The following LINGO2 variants were observed in gnomAD, a reference collection of about 807,000 sequenced individuals.
LINGO2 encodes leucine-rich repeat and immunoglobulin-like domain-containing nogo receptor-interacting protein 2.
A neutral mutation model predicts 30.6 loss-of-function variants in LINGO2; 14 were observed. The observed-to-expected ratio is 0.46, with a 90% CI of 0.30 to 0.72. LINGO2 has a LOEUF of 0.72. Ranked by LOEUF, LINGO2 falls within the 30% of genes least tolerant of loss-of-function variation. The probability of loss-of-function intolerance (pLI) is 0.07; values close to 1 mark genes in which losing one functional copy is unlikely to be tolerated. For synonymous variants in LINGO2, 317 were observed against 288.5 expected, an observed-to-expected ratio of 1.10 and a Z score of -1.00; for missense variants, 729 against 751.7, an observed-to-expected ratio of 0.97 and a Z score of 0.35.
chr9:29,141,397 G>T, the LINGO2 span, among the ~76,000 whole-genome samples: 1 of 150,924 alleles, frequency 6.6e-6, no homozygotes, highest in African/African-American at 2.4e-5. Flanking sequence ...AAACTACAAA[G>T]AAAATACTAC....
chr9:29,069,249 T>C, the LINGO2 span, among the ~76,000 whole-genome samples: 1 of 151,988 alleles, frequency 6.6e-6, no homozygotes, highest in East Asian at 1.9e-4. Flanking sequence ...AAGTTATATT[T>C]TGACTTGAAA....
At chr9:29,029,660 A>G in the LINGO2 span, among the ~76,000 whole-genome samples, 1 of 152,144 alleles carries the variant, frequency 6.6e-6, no homozygotes, top group East Asian at 1.9e-4. Context: ...ATACATTAAA[A>G]GCCAAGAAAA....
chr9:28,990,845 A>C, the LINGO2 span, among the ~76,000 whole-genome samples: 1 of 152,124 alleles, frequency 6.6e-6, no homozygotes, highest in African/African-American at 2.4e-5. Context: ...CCACACCAAA[A>C]ACCCATCTGT....
chr9:28,396,932 GA>G (rs1323305374), intron 2 of LINGO2, among the ~76,000 whole-genome samples: 1 of 152,004 alleles, frequency 6.6e-6, no homozygotes, highest in Non-Finnish European at 1.5e-5. Context: ...ATGTCTGATA[GA>G]AAACCACAAT....
intron 4 of LINGO2, among the ~76,000 whole-genome samples, chr9:28,207,755 T>G (rs1820457909): frequency 6.6e-6 from 1 of 152,162 alleles, no homozygotes; most frequent in Non-Finnish European, 1.5e-5. Flanking sequence ...TGAGAATTGC[T>G]GAGTATGAAG....
the LINGO2 span, among the ~76,000 whole-genome samples, chr9:29,194,922 C>T: frequency 6.6e-6 from 1 of 152,070 alleles, no homozygotes; most frequent in Non-Finnish European, 1.5e-5. Context: ...GTTCTATACA[C>T]CTTTATATCA....
intron 4 of LINGO2, among the ~76,000 whole-genome samples, chr9:28,157,416 G>C (rs966631255): frequency 6.6e-6 from 1 of 152,158 alleles, no homozygotes; most frequent in African/African-American, 2.4e-5. Context: ...CAAGGACACT[G>C]GGCCTGGCCC....
chr9:29,135,851 TC>T, the LINGO2 span, among the ~76,000 whole-genome samples: 1 of 152,144 alleles, frequency 6.6e-6, no homozygotes, highest in African/African-American at 2.4e-5. Context: ...TCTACACACA[TC>T]ACATAAGTGA....
chr9:28,210,591 C>A (rs1461680927), intron 4 of LINGO2, among the ~76,000 whole-genome samples: 1 of 151,486 alleles, frequency 6.6e-6, no homozygotes, highest in Non-Finnish European at 1.5e-5. Flanking sequence ...ACTTTAAATG[C>A]AGGAGCTGCA....
chr9:28,891,018 T>C, the LINGO2 span, among the ~76,000 whole-genome samples: 1 of 152,132 alleles, frequency 6.6e-6, no homozygotes, highest in Non-Finnish European at 1.5e-5. Context: ...ATTTCCTTTA[T>C]AGTGTTTGCA....
intron 1 of LINGO2, among the ~76,000 whole-genome samples, chr9:28,580,888 C>T (rs1824225951): frequency 1.3e-5 from 2 of 151,912 alleles, no homozygotes; most frequent in Non-Finnish European, 2.9e-5. Flanking sequence ...TAAGTATTTT[C>T]CTGGAGTGAC....
chr9:29,075,603 ACTCAT>A, the LINGO2 span, among the ~76,000 whole-genome samples: 1 of 152,138 alleles, frequency 6.6e-6, no homozygotes, highest in Non-Finnish European at 1.5e-5. Flanking sequence ...ATTAATAAAT[ACTCAT>A]CTCATTGGCA....
the LINGO2 span, among the ~76,000 whole-genome samples, chr9:28,945,152 C>T: frequency 9.9e-5 from 15 of 152,094 alleles, no homozygotes; most frequent in African/African-American, 3.4e-4. Context: ...TTGGCCCTAT[C>T]GTTTTCTAAC....
chr9:28,402,495 T>C (rs192928350), intron 2 of LINGO2, among the ~76,000 whole-genome samples: 165 of 152,140 alleles, frequency 1.1e-3, no homozygotes, highest in African/African-American at 3.8e-3. Context: ...TTTTACAACT[T>C]TTTGCCATGA....
At chr9:27,939,020 A>G in the LINGO2 span, 2 of 152,190 alleles carry the variant, frequency 1.3e-5, no homozygotes, top group Non-Finnish European at 2.9e-5. Context: ...AATATTTAAA[A>G]GATATAAATA....
chr9:28,859,016 C>G, the LINGO2 span, among the ~76,000 whole-genome samples: 1 of 151,996 alleles, frequency 6.6e-6, no homozygotes, highest in African/African-American at 2.4e-5. Flanking sequence ...AGGGCACTTT[C>G]ATTCCTTTAT....
intron 4 of LINGO2, among the ~76,000 whole-genome samples, chr9:28,106,818 G>A (rs946220750): frequency 6.6e-6 from 1 of 152,160 alleles, no homozygotes; most frequent in Non-Finnish European, 1.5e-5. Flanking sequence ...GAGCTTTTGG[G>A]AGAATTACAT....
the LINGO2 span, among the ~76,000 whole-genome samples, chr9:28,957,729 A>G: frequency 6.6e-6 from 1 of 152,184 alleles, no homozygotes; most frequent in African/African-American, 2.4e-5. Context: ...CAATACCTAG[A>G]CCATCATAAA....
At chr9:28,333,930 T>C (rs1825506149) in intron 3 of LINGO2, among the ~76,000 whole-genome samples, 1 of 152,186 alleles carries the variant, frequency 6.6e-6, no homozygotes, top group African/African-American at 2.4e-5. Context: ...TTTGTCAGTC[T>C]GCTGTTTCAT....
Sources: allele counts gnomAD v4.1 joint callset (sites outside exome capture counted in the v4.1 genomes callset), GRCh38; gene constraint gnomAD v4.1.1; transcripts MANE v1.5; gene names NCBI Gene and HGNC (gene_info 2026-07-23, HGNC 2026-07-21).